SPATA6: variants seen among roughly 807,000 people sequenced by gnomAD.
The protein encoded by SPATA6 is spermatogenesis associated 6.
A neutral mutation model predicts 65.3 loss-of-function variants in SPATA6; 56 were observed. That is an observed-to-expected ratio of 0.86 (90% confidence interval 0.69 to 1.07). The LOEUF (loss-of-function observed/expected upper bound fraction) is 1.07. Among genes scored for constraint, SPATA6 ranks in the 50% least tolerant of loss-of-function variants. The pLI is 0.00. For synonymous variants in SPATA6, 199 were observed against 213.2 expected, an observed-to-expected ratio of 0.93 and a Z score of 0.58; for missense variants, 590 against 594.8, an observed-to-expected ratio of 0.99 and a Z score of 0.08.
intron 9 of SPATA6, 117 bp downstream of exon 9, chr1:48,385,192 T>C (rs1273304968): frequency 6.5e-6 from 6 of 918,118 alleles, no homozygotes; most frequent in Non-Finnish European, 9.1e-6. Flanking sequence ...TTATTGTTTT[T>C]ACATTTTTTA....
rs545979059 is a variant in SPATA6 at position 48,299,492 on chromosome 1, C to T, written c.1287-599G>A. Reference sequence around the variant, plus strand: ...TCACGCCATTGCACCCCAGCCTGGACAACAAGAGCAAAACTCCGTCTCGGA... The same window carrying T: ...TCACGCCATTGCACCCCAGCCTGGATAACAAGAGCAAAACTCCGTCTCGGA... On this transcript the variant is annotated intron_variant, in intron 12 of 12. Coordinates refer to ENST00000371847, the MANE Select transcript of SPATA6 (RefSeq NM_019073.4). 1.5e-4 allele frequency among the ~76,000 whole-genome samples: 14 copies of T among 91,494 alleles called. No homozygotes were observed. In the East Asian group the frequency reaches 4.8e-3, roughly 31 times the overall value. 60.0% of individuals were successfully genotyped at this position (91,494 alleles called of 152,430 possible).
At chr1:48,419,058 CA>C (rs1272956376) in intron 3 of SPATA6, among the ~76,000 whole-genome samples, 1 of 152,136 alleles carries the variant, frequency 6.6e-6, no homozygotes, top group Non-Finnish European at 1.5e-5. Flanking sequence ...AACATGATTA[CA>C]AACTAGAAAA....
At chr1:48,419,354 T>C (rs1441201351) in intron 3 of SPATA6, among the ~76,000 whole-genome samples, 2 of 152,206 alleles carry the variant, frequency 1.3e-5, no homozygotes, top group African/African-American at 4.8e-5. Context: ...TTACAAAATA[T>C]ACGTGGTATT....
At chr1:48,438,023 C>CG (rs1655104487) in intron 3 of SPATA6, among the ~76,000 whole-genome samples, 2 of 151,916 alleles carry the variant, frequency 1.3e-5, no homozygotes, top group Non-Finnish European at 2.9e-5. Flanking sequence ...AGGATGTGGG[C>CG]GGGGACAAAT....
intron 3 of SPATA6, chr1:48,436,730 G>A (rs560474456): frequency 7.5e-5 from 121 of 1,614,174 alleles, no homozygotes; most frequent in Middle Eastern, 1.7e-4. Flanking sequence ...TACAGTGTTG[G>A]GATTACAGCA....
chr1:48,354,506 T>C (rs948084293), intron 11 of SPATA6, among the ~76,000 whole-genome samples: 2 of 152,132 alleles, frequency 1.3e-5, no homozygotes, highest in African/African-American at 2.4e-5. Flanking sequence ...AATGAATAAG[T>C]AAATGGTAGC....
intron 11 of SPATA6, among the ~76,000 whole-genome samples, chr1:48,352,617 T>C (rs1290079124): frequency 3.3e-5 from 5 of 152,058 alleles, no homozygotes; most frequent in Admixed American, 6.6e-5. Context: ...AAGTGTAATT[T>C]GAAGTTCCAG....
chr1:48,398,012 A>G (rs1056155286), intron 7 of SPATA6, among the ~76,000 whole-genome samples: 1 of 151,690 alleles, frequency 6.6e-6, no homozygotes, highest in Admixed American at 6.6e-5. Flanking sequence ...AAATGTTACT[A>G]TTCCTTCAGA....
rs1395993756 is a variant in SPATA6 at position 48,399,645 on chromosome 1, C to T, written c.487-1G>A. 1 of 1,559,780 alleles carries T rather than the reference C, an allele frequency of 6.4e-7. No homozygotes were observed. ...GAGCCAAATGGTAAATAAATTTATC[C>T]TAAACATAAAAAATAAAAATTAACT... On this transcript the variant is annotated splice_acceptor_variant, in intron 6 of 12. Coordinates refer to ENST00000371847, the MANE Select transcript of SPATA6 (RefSeq NM_019073.4). LOFTEE classifies it high-confidence loss of function.
chr1:48,325,236 CAG>C, intron 11 of SPATA6: 1 of 766,076 alleles, frequency 1.3e-6, no homozygotes, highest in South Asian at 1.7e-5. Context: ...AAGTCCACAA[CAG>C]GGGCAAGGTT....
chr1:48,455,099 G>T (rs1396702893), intron 1 of SPATA6, among the ~76,000 whole-genome samples: 3 of 151,988 alleles, frequency 2.0e-5, no homozygotes, highest in African/African-American at 4.8e-5. Context: ...TGTCCATAAG[G>T]TTCATTTCTT....
intron 3 of SPATA6, 66 bp from the exon 4 acceptor site, chr1:48,413,217 C>A: frequency 2.3e-6 from 2 of 881,094 alleles, no homozygotes; most frequent in South Asian, 2.2e-5. Context: ...CTTAATTTAC[C>A]ATGGGAGTGT....
At chr1:48,278,073 G>A in the SPATA6 span, among the ~76,000 whole-genome samples, 14 of 152,286 alleles carry the variant, frequency 9.2e-5, no homozygotes, top group East Asian at 3.9e-4. Flanking sequence ...GGCAAACAGC[G>A]TCTGGAGTGG....
the SPATA6 span, among the ~76,000 whole-genome samples, chr1:48,285,500 C>T: frequency 3.7e-4 from 54 of 146,856 alleles, no homozygotes; most frequent in Middle Eastern, 3.5e-3. Flanking sequence ...AAAAAAAACT[C>T]CTGCAGCTAG....
At chr1:48,278,398 A>C in the SPATA6 span, among the ~76,000 whole-genome samples, 1 of 152,214 alleles carries the variant, frequency 6.6e-6, no homozygotes, top group African/African-American at 2.4e-5. Context: ...TACAGGAGGA[A>C]ATTCAAACCA....
the SPATA6 span, among the ~76,000 whole-genome samples, chr1:48,277,285 A>C: frequency 1.3e-5 from 2 of 152,106 alleles, no homozygotes; most frequent in African/African-American, 4.8e-5. Flanking sequence ...TTTCCATCTG[A>C]GGTACCGGGT....
chr1:48,264,476 C>T, the SPATA6 span, among the ~76,000 whole-genome samples: 2 of 152,146 alleles, frequency 1.3e-5, no homozygotes, highest in South Asian at 2.1e-4. Context: ...CTCATCAACT[C>T]GTCATCTACA....
At chr1:48,415,703 T>A (rs1570501658) in intron 3 of SPATA6, among the ~76,000 whole-genome samples, 2 of 132,720 alleles carry the variant, frequency 1.5e-5, no homozygotes, top group Non-Finnish European at 1.6e-5. Flanking sequence ...AAGGTATAAA[T>A]ACACGTGATG....
At chr1:48,367,961 T>A (rs1425125769) in intron 9 of SPATA6, among the ~76,000 whole-genome samples, 1 of 152,220 alleles carries the variant, frequency 6.6e-6, no homozygotes, top group African/African-American at 2.4e-5. Context: ...GTTTAGTGCT[T>A]CCTTCAGGAG....
Sources: allele counts gnomAD v4.1 joint callset (sites outside exome capture counted in the v4.1 genomes callset), GRCh38; gene constraint gnomAD v4.1.1; transcripts MANE v1.5; gene names NCBI Gene and HGNC (gene_info 2026-07-23, HGNC 2026-07-21).